TRA2A: variants seen among roughly 807,000 people sequenced by gnomAD.
The protein encoded by TRA2A is transformer-2 protein homolog alpha.
A neutral mutation model predicts 45.7 loss-of-function variants in TRA2A; 31 were observed. That is an observed-to-expected ratio of 0.68 (90% CI 0.51 to 0.92). The LOEUF (loss-of-function observed/expected upper bound fraction) is 0.92, where lower values mean the gene tolerates loss of function less well. Ranked by LOEUF, TRA2A falls within the 40% of genes least tolerant of loss-of-function variation. The pLI is 0.00. For synonymous variants in TRA2A, 132 were observed against 126.2 expected, an observed-to-expected ratio of 1.05 and a Z score of -0.31; for missense variants, 304 against 367.5, an observed-to-expected ratio of 0.83 and a Z score of 1.41.
chr7:23,506,490 T>C (rs1024872695), intron 5 of TRA2A: 2 of 468,322 alleles, frequency 4.3e-6, no homozygotes, highest in African/African-American at 1.9e-5. Flanking sequence ...AACTATTAAC[T>C]GCTTTTCTAC....
At chr7:23,530,993 G>T (rs935230604) in intron 1 of TRA2A, among the ~76,000 whole-genome samples, 4 of 151,920 alleles carry the variant, frequency 2.6e-5, no homozygotes, top group African/African-American at 9.7e-5. Context: ...ATTAAAAGTT[G>T]AGATATAAAG....
intron 5 of TRA2A, 137 bp downstream of exon 5, chr7:23,507,283 A>T: frequency 4.7e-6 from 3 of 638,760 alleles, no homozygotes; most frequent in African/African-American, 1.8e-5. Context: ...ATTTTTTTTT[A>T]GTAGAAGCAG....
At position 23,531,964 on chromosome 7, in the gene TRA2A, C is replaced by A; in HGVS notation, c.-140G>T. On this transcript the variant is annotated 5_prime_UTR_variant, in exon 1 of 8. Coordinates refer to ENST00000297071, the MANE Select transcript of TRA2A (RefSeq NM_013293.5). ...CCGCTCCACTCCACTCCCACTCGGT[C>A]GCAGGCTCCAGCAAAATGGCGCCGG... 1 of 896,906 alleles carries A rather than the reference C, an allele frequency of 1.1e-6. No homozygotes were observed. The highest frequency in any genetic ancestry group is 1.5e-5 in the South Asian group (1 of 64,652). 55.6% of individuals were successfully genotyped at this position (896,906 alleles called of 1,614,324 possible).
At chr7:23,520,975 G>A (rs1562797462) in intron 2 of TRA2A, among the ~76,000 whole-genome samples, 1 of 152,128 alleles carries the variant, frequency 6.6e-6, no homozygotes, top group Non-Finnish European at 1.5e-5. Context: ...TTACAGGTGT[G>A]AGCCACTGCA....
intron 1 of TRA2A, among the ~76,000 whole-genome samples, chr7:23,525,490 T>C (rs1393306156): frequency 6.6e-6 from 1 of 152,228 alleles, no homozygotes; most frequent in Non-Finnish European, 1.5e-5. Flanking sequence ...ACTCGTATCA[T>C]GAATTTTAAC....
intron 4 of TRA2A, among the ~76,000 whole-genome samples, chr7:23,510,835 C>T (rs1266859324): frequency 4.0e-5 from 6 of 151,112 alleles, no homozygotes; most frequent in East Asian, 1.9e-4. Flanking sequence ...ATCACAAATA[C>T]GTAACAGTAA....
At chr7:23,531,738 AC>A (rs1790594707) in intron 1 of TRA2A, 50 bp downstream of exon 1, 4 of 1,607,798 alleles carry the variant, frequency 2.5e-6, no homozygotes, top group South Asian at 2.2e-5. Context: ...TTCCCGTGAA[AC>A]CCCGAGCATT....
intron 1 of TRA2A, chr7:23,531,137 C>T: frequency 1.2e-6 from 1 of 833,622 alleles, no homozygotes; most frequent in Non-Finnish European, 1.4e-6. Flanking sequence ...CCTCACAGCT[C>T]TCGTCTTAAG....
At chr7:23,512,033 G>C (rs1034783637) in intron 4 of TRA2A, among the ~76,000 whole-genome samples, 1 of 152,168 alleles carries the variant, frequency 6.6e-6, no homozygotes, top group South Asian at 2.1e-4. Flanking sequence ...TTATTCAAAA[G>C]AGAACACTTA....
chr7:23,505,520 AGAGGAAAAAAAATGTCCTTAATTG>A lies in TRA2A; in HGVS notation c.*15_*38del. ...AGAATTAAAAAAAAAAAAAAAAAAA[AGAGGAAAAAAAATGTCCTTAATTG>A]CAACCATTCCGTTATCAATAGCGTC... is the stretch of plus-strand genomic sequence containing the variant. On this transcript the variant is annotated 3_prime_UTR_variant, in exon 8 of 8. Coordinates refer to ENST00000297071, the MANE Select transcript of TRA2A (RefSeq NM_013293.5). 2.0e-6 allele frequency: 1 copy of A among 507,038 alleles called. No individual in the cohort carries two copies. The highest frequency in any genetic ancestry group is 3.0e-5 in the South Asian group (1 of 33,000). The allele number at this position is 507,038 out of a possible 1,614,324, so 31.4% of individuals were successfully genotyped here. A position where few individuals can be genotyped will look rare whatever the true frequency, so the allele number is the denominator to read the frequency against.
intron 1 of TRA2A, among the ~76,000 whole-genome samples, chr7:23,523,977 A>T (rs1790239067): frequency 6.6e-6 from 1 of 152,164 alleles, no homozygotes; most frequent in African/African-American, 2.4e-5. Context: ...TTATCTACGA[A>T]CGCTGCTACA....
chr7:23,526,719 A>C (rs971656168), intron 1 of TRA2A, among the ~76,000 whole-genome samples: 3 of 152,176 alleles, frequency 2.0e-5, no homozygotes, highest in African/African-American at 7.2e-5. Context: ...AATCCCTTAA[A>C]AAGAAGATAG....
chr7:23,519,299 C>G (rs1161526601), intron 2 of TRA2A, among the ~76,000 whole-genome samples: 1 of 152,080 alleles, frequency 6.6e-6, no homozygotes. Flanking sequence ...GAGGCTGAGG[C>G]AAGAGAATCA....
chr7:23,505,778 CTATATCGACTA>C lies in TRA2A; in HGVS notation c.795_805del (p.Tyr265Ter). ...GTAGGAACGAGATCTTGATCGTGATCTATATCGACTATAATAAGGAGAAGGTGATCGTCTTC... is the reference window on the plus strand; with the variant it reads ...GTAGGAACGAGATCTTGATCGTGATCTAATAAGGAGAAGGTGATCGTCTTC... On this transcript the variant is annotated stop_gained and frameshift_variant, in exon 7 of 8. Transcript: ENST00000297071. LOFTEE classifies it high-confidence loss of function. 2 of 1,563,084 alleles carry C rather than the reference CTATATCGACTA, an allele frequency of 1.3e-6. No homozygotes were observed. The highest frequency in any genetic ancestry group is 1.7e-6 in the Non-Finnish European group (2 of 1,160,242).
chr7:23,530,709 A>G (rs1469055604), intron 1 of TRA2A, among the ~76,000 whole-genome samples: 2 of 152,152 alleles, frequency 1.3e-5, no homozygotes, highest in Non-Finnish European at 2.9e-5. Flanking sequence ...TGATGTTTGT[A>G]TTTCTCCGAC....
intron 2 of TRA2A, among the ~76,000 whole-genome samples, chr7:23,518,000 A>G (rs1010525243): frequency 4.0e-4 from 60 of 150,352 alleles, no homozygotes; most frequent in African/African-American, 1.5e-3. Context: ...GTGCAGTGGC[A>G]TGATCTCAGC....
Position 23,517,503 on chromosome 7 carries a change from A to AAAAAAAAAAAAAAAAAAAG in TRA2A, c.171-976_171-975insCTTTTTTTTTTTTTTTTTT, listed in dbSNP as rs764849438. ...AAAAAAAAAAAAAAAAAAAAAAAAA[A>AAAAAAAAAAAAAAAAAAAG]AGAGAGAAAGAAAGAAAAATCACTT... On this transcript the variant is annotated intron_variant, in intron 2 of 7. Coordinates refer to ENST00000297071, the MANE Select transcript of TRA2A (RefSeq NM_013293.5). Among the ~76,000 whole-genome samples the AAAAAAAAAAAAAAAAAAAG allele has an allele frequency of 1.3e-3, 153 of 116,224 alleles. 16 individuals are homozygous for AAAAAAAAAAAAAAAAAAAG. The highest frequency in any genetic ancestry group is 2.3e-3 in the East Asian group (7 of 2,988). The allele number at this position is 116,224 out of a possible 152,430, so 76.2% of individuals were successfully genotyped here.
chr7:23,527,608 C>T (rs534888348), intron 1 of TRA2A, among the ~76,000 whole-genome samples: 1 of 152,306 alleles, frequency 6.6e-6, no homozygotes, highest in Admixed American at 6.5e-5. Context: ...AATACACATG[C>T]TACATCGTAG....
At chr7:23,529,423 G>C (rs1049530246) in intron 1 of TRA2A, among the ~76,000 whole-genome samples, 20 of 152,098 alleles carry the variant, frequency 1.3e-4, no homozygotes, top group African/African-American at 4.6e-4. Flanking sequence ...ACCACGCCCG[G>C]CTAATTTTGT....
Sources: allele counts gnomAD v4.1 joint callset (sites outside exome capture counted in the v4.1 genomes callset), GRCh38; gene constraint gnomAD v4.1.1; transcripts MANE v1.5; gene names NCBI Gene and HGNC (gene_info 2026-07-23, HGNC 2026-07-21).